WWOX: variants seen among roughly 807,000 people sequenced by gnomAD.
WWOX encodes the protein WW domain-containing oxidoreductase.
A neutral mutation model predicts 46.2 loss-of-function variants in WWOX; 69 were observed. The ratio of observed to expected loss-of-function variants is 1.49; its 90% CI spans 1.23 to 1.82. WWOX has a LOEUF of 1.82. WWOX is among the 40% of genes most tolerant of loss of function. The pLI, the probability that WWOX is intolerant of heterozygous loss-of-function variation, is 0.00. For synonymous variants in WWOX, 359 were observed against 202.6 expected (o/e 1.77, Z -6.56); for missense variants, 919 against 542.6 (o/e 1.69, Z -6.89).
intron 8 of WWOX, among the ~76,000 whole-genome samples, chr16:78,933,779 C>A (rs1351736557): frequency 6.6e-6 from 1 of 152,110 alleles, no homozygotes; most frequent in Non-Finnish European, 1.5e-5. Context: ...ATGGGAAAAT[C>A]CTGCACCCGT....
intron 8 of WWOX, chr16:78,896,181 A>G (rs890097789): frequency 1.3e-5 from 2 of 152,108 alleles, no homozygotes; most frequent in African/African-American, 2.4e-5. Flanking sequence ...GTGCTGAATC[A>G]TGTTTTAAAC....
intron 8 of WWOX, among the ~76,000 whole-genome samples, chr16:79,048,783 C>G (rs969899762): frequency 3.3e-5 from 5 of 152,204 alleles, no homozygotes; most frequent in African/African-American, 1.2e-4. Flanking sequence ...GCCTCGTTAC[C>G]ACCTTTCTGA....
In WWOX at chr16:78,739,336, C is replaced by A. The variant is rs28498701; in HGVS notation, c.1056+306584C>A. On this transcript the variant is annotated intron_variant, in intron 8 of 8. Coordinates refer to ENST00000566780, the MANE Select transcript of WWOX (RefSeq NM_016373.4). ...TTGGTGCCCAGACGTTCCCAACACT[C>A]GCAGCAGAGGGCATTAGGATCATGT... 1.3e-5 allele frequency among the ~76,000 whole-genome samples: 2 copies of A among 152,116 alleles called. 1 individual carries two copies. The highest frequency in any genetic ancestry group is 1.3e-4 in the Admixed American group (2 of 15,288).
chr16:78,380,969 C>G (rs761311064), intron 5 of WWOX, among the ~76,000 whole-genome samples: 3 of 152,022 alleles, frequency 2.0e-5, no homozygotes, highest in Non-Finnish European at 4.4e-5. Context: ...CTAATCTTCA[C>G]TCTAACCATA....
chr16:78,366,647 G>A (rs1188424876), intron 5 of WWOX, among the ~76,000 whole-genome samples: 2 of 152,098 alleles, frequency 1.3e-5, no homozygotes, highest in Non-Finnish European at 2.9e-5. Context: ...TTTATATCTC[G>A]TCTGTTGCCA....
intron 8 of WWOX, among the ~76,000 whole-genome samples, chr16:79,168,053 T>G (rs2050629010): frequency 1.3e-5 from 2 of 152,206 alleles, no homozygotes; most frequent in Non-Finnish European, 2.9e-5. Context: ...GTGGCATGTG[T>G]CAGTACTTTA....
chr16:78,405,031 C>T (rs941206382), intron 6 of WWOX, among the ~76,000 whole-genome samples: 1 of 152,158 alleles, frequency 6.6e-6, no homozygotes, highest in Non-Finnish European at 1.5e-5. Flanking sequence ...TTTACATTTC[C>T]CCCTATTTAC....
At chr16:78,347,801 C>T (rs2151904155) in intron 5 of WWOX, among the ~76,000 whole-genome samples, 1 of 122,018 alleles carries the variant, frequency 8.2e-6, no homozygotes, top group Non-Finnish European at 2.0e-5. Context: ...TAACCTCTGG[C>T]CTTTTTTCTT....
intron 8 of WWOX, among the ~76,000 whole-genome samples, chr16:79,032,500 C>G (rs1275730012): frequency 4.8e-5 from 7 of 147,330 alleles, no homozygotes; most frequent in Non-Finnish European, 7.4e-5. Context: ...ATAGACTATA[C>G]ACATATACAG....
At chr16:79,205,371 T>C (rs2051475716) in intron 8 of WWOX, 1 of 152,048 alleles carries the variant, frequency 6.6e-6, no homozygotes, top group Non-Finnish European at 1.5e-5. Context: ...GAGCCTGAGG[T>C]TTTTCTACCT....
chr16:78,678,253 G>A (rs1298503721), intron 8 of WWOX, among the ~76,000 whole-genome samples: 1 of 152,178 alleles, frequency 6.6e-6, no homozygotes, highest in Non-Finnish European at 1.5e-5. Flanking sequence ...GGTCACACCT[G>A]TAATCCTGGC....
At chr16:78,166,500 T>C (rs1288803451) in intron 5 of WWOX, among the ~76,000 whole-genome samples, 1 of 152,210 alleles carries the variant, frequency 6.6e-6, no homozygotes, top group Non-Finnish European at 1.5e-5. Flanking sequence ...AAAGGGCATA[T>C]GCATTTAAAA....
intron 8 of WWOX, among the ~76,000 whole-genome samples, chr16:78,538,025 A>G (rs866959536): frequency 4.6e-5 from 7 of 152,262 alleles, no homozygotes; most frequent in African/African-American, 1.7e-4. Context: ...GGGTTGAATT[A>G]TAGGGCAAAT....
intron 6 of WWOX, among the ~76,000 whole-genome samples, chr16:78,420,651 AT>A (rs1555535929): frequency 0.24 from 32,816 of 138,972 alleles, 3,707 homozygotes; most frequent in Admixed American, 0.33. Context: ...GTGATTGCTA[AT>A]TTTTTTTTTT....
At chr16:79,177,016 C>G (rs1303561813) in intron 8 of WWOX, among the ~76,000 whole-genome samples, 1 of 152,124 alleles carries the variant, frequency 6.6e-6, no homozygotes, top group Admixed American at 6.5e-5. Flanking sequence ...ATTGTCTTAG[C>G]ATATGTTGCT....
chr16:78,435,845 G>C (rs1397883492), intron 8 of WWOX, among the ~76,000 whole-genome samples: 1 of 152,190 alleles, frequency 6.6e-6, no homozygotes, highest in African/African-American at 2.4e-5. Flanking sequence ...ATACAGGTTA[G>C]TGTAAGGACC....
At chr16:78,438,270 T>C (rs377046005) in intron 8 of WWOX, among the ~76,000 whole-genome samples, 181 of 152,346 alleles carry the variant, frequency 1.2e-3, no homozygotes, top group African/African-American at 4.0e-3. Flanking sequence ...AGAAACCTCA[T>C]GCAGCGTGTT....
intron 4 of WWOX, among the ~76,000 whole-genome samples, chr16:78,141,318 C>A (rs1026683973): frequency 6.6e-6 from 1 of 151,826 alleles, no homozygotes; most frequent in Non-Finnish European, 1.5e-5. Flanking sequence ...TCTGTTTTGT[C>A]AAGTATACAA....
chr16:78,492,243 A>C (rs550383378), intron 8 of WWOX, among the ~76,000 whole-genome samples: 1 of 152,348 alleles, frequency 6.6e-6, no homozygotes, highest in African/African-American at 2.4e-5. Context: ...GCCACAAGGC[A>C]GTAGAGGTTG....
Sources: allele counts gnomAD v4.1 joint callset (sites outside exome capture counted in the v4.1 genomes callset), GRCh38; gene constraint gnomAD v4.1.1; transcripts MANE v1.5; gene names NCBI Gene and HGNC (gene_info 2026-07-23, HGNC 2026-07-21).